Variants in ARHGAP12 observed in about 807,000 individuals in gnomAD.
The protein encoded by ARHGAP12 is Rho GTPase activating protein 12.
In ARHGAP12, 64 loss-of-function variants were observed where a neutral mutation model predicts 108.6. That is an observed-to-expected ratio of 0.59 (90% CI 0.48 to 0.73). The LOEUF (loss-of-function observed/expected upper bound fraction) is 0.73, where lower values mean the gene tolerates loss of function less well. Ranked by LOEUF, ARHGAP12 falls within the 30% of genes least tolerant of loss-of-function variation. The probability of loss-of-function intolerance (pLI) is 0.00; values close to 1 mark genes in which losing one functional copy is unlikely to be tolerated. For missense variants in ARHGAP12, 940 were observed against 1,005.9 expected (o/e 0.93, Z 0.89); for synonymous variants, 312 against 337.2 (o/e 0.93, Z 0.82).
intron 11 of ARHGAP12, among the ~76,000 whole-genome samples, chr10:31,823,427 G>A (rs1835487009): frequency 6.6e-6 from 1 of 151,526 alleles, no homozygotes; most frequent in African/African-American, 2.4e-5. Flanking sequence ...GGAATTGCAT[G>A]CAGCCTACGT....
At chr10:31,877,830 G>T (rs1175875705) in intron 3 of ARHGAP12, among the ~76,000 whole-genome samples, 1 of 152,238 alleles carries the variant, frequency 6.6e-6, no homozygotes, top group Non-Finnish European at 1.5e-5. Flanking sequence ...GGTGGCGCCT[G>T]CCTATAATTC....
chr10:31,825,280 A>T (rs1835562102), intron 11 of ARHGAP12, among the ~76,000 whole-genome samples: 1 of 152,126 alleles, frequency 6.6e-6, no homozygotes, highest in African/African-American at 2.4e-5. Flanking sequence ...ATTTGCTTAA[A>T]TTTTATAAAT....
At chr10:31,829,561 CA>C (rs1180452198) in intron 10 of ARHGAP12, among the ~76,000 whole-genome samples, 2 of 152,152 alleles carry the variant, frequency 1.3e-5, no homozygotes, top group African/African-American at 4.8e-5. Flanking sequence ...ATGGATTTGA[CA>C]ACGTCCCAAT....
intron 6 of ARHGAP12, among the ~76,000 whole-genome samples, chr10:31,849,997 T>C (rs1464987181): frequency 6.6e-6 from 1 of 152,182 alleles, no homozygotes; most frequent in South Asian, 2.1e-4. Flanking sequence ...CTCCAAATTA[T>C]TCCTGATATT....
At chr10:31,826,635 G>A in intron 10 of ARHGAP12, 2 of 356,650 alleles carry the variant, frequency 5.6e-6, no homozygotes, top group Non-Finnish European at 1.0e-5. Flanking sequence ...ATGAATGAAT[G>A]ACGCATGTAA....
intron 4 of ARHGAP12, among the ~76,000 whole-genome samples, chr10:31,857,730 C>T (rs1836940330): frequency 6.6e-6 from 1 of 152,172 alleles, no homozygotes; most frequent in African/African-American, 2.4e-5. Context: ...GAATTTTCAG[C>T]ATCAACAATG....
At chr10:31,810,305 C>T (rs766625176) in intron 16 of ARHGAP12, among the ~76,000 whole-genome samples, 6 of 152,042 alleles carry the variant, frequency 3.9e-5, no homozygotes, top group African/African-American at 1.2e-4. Context: ...ACAATCTCCT[C>T]GGATCTTATA....
intron 3 of ARHGAP12, among the ~76,000 whole-genome samples, chr10:31,907,171 C>G (rs751303734): frequency 6.6e-6 from 1 of 152,144 alleles, no homozygotes. Flanking sequence ...AATAATCTTA[C>G]AACAGAACTT....
intron 3 of ARHGAP12, among the ~76,000 whole-genome samples, chr10:31,881,075 G>A (rs968201598): frequency 1.3e-5 from 2 of 151,682 alleles, no homozygotes; most frequent in African/African-American, 2.4e-5. Flanking sequence ...CTCAGGCTCA[G>A]GTGATTCTCC....
intron 3 of ARHGAP12, among the ~76,000 whole-genome samples, chr10:31,876,924 G>C (rs2132352086): frequency 6.6e-6 from 1 of 152,190 alleles, no homozygotes; most frequent in Non-Finnish European, 1.5e-5. Flanking sequence ...AAATACAAAA[G>C]ACAAGTTTTT....
At chr10:31,916,316 C>A (rs931813582) in intron 1 of ARHGAP12, among the ~76,000 whole-genome samples, 12 of 152,076 alleles carry the variant, frequency 7.9e-5, no homozygotes, top group Admixed American at 6.6e-4. Flanking sequence ...TTCCTCCTCC[C>A]TTTTTCCACG....
chr10:31,818,918 G>C (rs1835308652), intron 12 of ARHGAP12, among the ~76,000 whole-genome samples: 1 of 152,014 alleles, frequency 6.6e-6, no homozygotes, highest in Non-Finnish European at 1.5e-5. Flanking sequence ...GCTAATTCAG[G>C]AAACAGTGAC....
At chr10:31,910,210 C>CT (rs1427370584) in intron 2 of ARHGAP12, among the ~76,000 whole-genome samples, 3 of 152,162 alleles carry the variant, frequency 2.0e-5, no homozygotes, top group African/African-American at 7.2e-5. Flanking sequence ...CCCTAGGAAA[C>CT]TAATACATTC....
intron 3 of ARHGAP12, among the ~76,000 whole-genome samples, chr10:31,904,587 AC>A (rs1488864732): frequency 6.6e-6 from 1 of 152,164 alleles, no homozygotes; most frequent in Admixed American, 6.5e-5. Flanking sequence ...AGATGCTACC[AC>A]TAAAGGTAAC....
intron 3 of ARHGAP12, among the ~76,000 whole-genome samples, chr10:31,907,121 C>A (rs1423503643): frequency 6.6e-6 from 1 of 152,118 alleles, no homozygotes; most frequent in Non-Finnish European, 1.5e-5. Context: ...AATCAGACCA[C>A]ACCTAAGGGC....
chr10:31,924,214 G>A (rs1246761415), intron 1 of ARHGAP12, among the ~76,000 whole-genome samples: 1 of 152,122 alleles, frequency 6.6e-6, no homozygotes, highest in African/African-American at 2.4e-5. Flanking sequence ...ATTTACCCAA[G>A]AGAAATGAAA....
At chr10:31,900,946 C>T (rs1838889890) in intron 3 of ARHGAP12, among the ~76,000 whole-genome samples, 1 of 152,046 alleles carries the variant, frequency 6.6e-6, no homozygotes, top group African/African-American at 2.4e-5. Context: ...CCGGTCTCAG[C>T]AGCTCAAGCC....
chr10:31,928,578 C>G (rs1430101454), intron 1 of ARHGAP12, 105 bp downstream of exon 1: 3 of 153,200 alleles, frequency 2.0e-5, no homozygotes, highest in East Asian at 1.9e-4. Flanking sequence ...ACGCCTCCCC[C>G]CGACTCCACC....
chr10:31,827,685 G>C lies in ARHGAP12; in HGVS notation c.1449-1300C>G, dbSNP rs556716706. On this transcript the variant is annotated intron_variant, in intron 10 of 19. Coordinates refer to ENST00000344936, the MANE Select transcript of ARHGAP12 (RefSeq NM_018287.7). The stretch of plus-strand genomic sequence containing the variant: ...GGGCACCTGCAGTCCCAGCTACTCG[G>C]GAGGCTGAGGCAGGAGAATGGCGTG... Among the ~76,000 whole-genome samples, 158 of 152,108 alleles carry C rather than the reference G, an allele frequency of 1.0e-3. 2 individuals carry two copies. In the Middle Eastern group the frequency reaches 0.014, roughly 13 times the overall value.
Sources: gnomAD v4.1 joint callset for allele counts (sites outside exome capture counted in the v4.1 genomes callset) on GRCh38, gnomAD v4.1.1 for gene constraint, MANE v1.5 for transcripts, NCBI Gene and HGNC (gene_info 2026-07-23, HGNC 2026-07-21) for gene names.